EGLN1: variants seen among roughly 807,000 people sequenced by gnomAD.
EGLN1 encodes egl-9 family hypoxia inducible factor 1.
A neutral mutation model predicts 38.3 loss-of-function variants in EGLN1; 17 were observed. That is an observed-to-expected ratio of 0.44 (90% CI 0.30 to 0.67). EGLN1 has a LOEUF of 0.67. EGLN1 is among the 30% of genes least tolerant of loss of function. The pLI is 0.08. For missense variants in EGLN1, 477 were observed against 603.3 expected (o/e 0.79, Z 2.19); for synonymous variants, 283 against 257.5 (o/e 1.10, Z -0.95).
intron 1 of EGLN1, among the ~76,000 whole-genome samples, chr1:231,387,853 C>T (rs1688259936): frequency 6.6e-6 from 1 of 152,168 alleles, no homozygotes; most frequent in Non-Finnish European, 1.5e-5. Flanking sequence ...CACCACCCAC[C>T]AGAACATCCA....
intron 1 of EGLN1, among the ~76,000 whole-genome samples, chr1:231,400,377 A>C (rs1382303518): frequency 6.6e-6 from 1 of 152,148 alleles, no homozygotes; most frequent in Admixed American, 6.5e-5. Context: ...TCTGATTCAG[A>C]AGATCTGTAG....
intron 2 of EGLN1, among the ~76,000 whole-genome samples, chr1:231,373,710 G>A (rs1687887866): frequency 7.6e-6 from 1 of 131,924 alleles, no homozygotes; most frequent in African/African-American, 2.7e-5. Context: ...GTGTATGTGT[G>A]TGTGTTTAGA....
In EGLN1 at chr1:231,366,385, A is replaced by G. The variant is rs1006162575; in HGVS notation, c.*26T>C. The G allele has an allele frequency of 3.1e-6, 5 of 1,610,128 alleles. No homozygotes were observed. In the African/African-American group the frequency reaches 4.0e-5, roughly 13 times the overall value. On this transcript the variant is annotated 3_prime_UTR_variant, in exon 5 of 5. Transcript: ENST00000366641. ...AAATAGTTAACAATATTGTAGGTGAAGTGGGGTATTGCTGGATCAAAGGCT... is the reference window on the plus strand; with the variant it reads ...AAATAGTTAACAATATTGTAGGTGAGGTGGGGTATTGCTGGATCAAAGGCT...
rs200502960 is a variant in EGLN1, at chr1:231,421,396, G to C, written c.493C>G (p.Pro165Ala). Residue 165 changes from proline (P) to alanine (A), a missense_variant, in exon 1 of 5, where the codon CCA becomes GCA. Around this residue, in one of 4 missense-constraint regions of EGLN1, gnomAD observed 298 missense variants for 288.9 expected, o/e 1.03. Transcript: ENST00000366641. The surrounding 1 kb of genome is among the most constrained non-coding windows in gnomAD (Gnocchi z 5.5). ...LFQEKANLYP[P>A]SNTPGDALSP... ...AGCGCATCCCCGGGCGTGTTGCTTG[G>C]GGGGTACAGGTTCGCCTTCTCCTGG... 35 of 1,603,776 alleles carry C rather than the reference G, an allele frequency of 2.2e-5. No homozygotes were observed. The highest frequency in any genetic ancestry group is 5.5e-5 in the South Asian group (5 of 90,520).
In EGLN1 at chr1:231,374,110, GATA is replaced by G. The variant is rs1687895075; in HGVS notation, c.892-14_892-12del. On this transcript the variant is annotated splice_polypyrimidine_tract_variant and intron_variant, in intron 1 of 4. Coordinates refer to ENST00000366641, the MANE Select transcript of EGLN1 (RefSeq NM_022051.3). ...ACAAGCAACCATGGCCTGTAATAAT[GATA>G]ATAATGATTATTAAAGTCCATGTAT... The G allele has an allele frequency of 6.2e-7, 1 of 1,608,146 alleles. No homozygotes were observed. Among genetic ancestry groups the G allele is most frequent in the African/African-American group, 1.3e-5 (1 of 74,758 alleles).
At chr1:231,412,964 T>G (rs964452442) in intron 1 of EGLN1, among the ~76,000 whole-genome samples, 1 of 152,220 alleles carries the variant, frequency 6.6e-6, no homozygotes, top group African/African-American at 2.4e-5. Flanking sequence ...TGATTCTACT[T>G]TCAAAATATA....
chr1:231,393,225 C>T (rs1688438499), intron 1 of EGLN1, among the ~76,000 whole-genome samples: 1 of 152,180 alleles, frequency 6.6e-6, no homozygotes, highest in African/African-American at 2.4e-5. Flanking sequence ...CTCTGCCAGT[C>T]AATCAGCAGA....
At chr1:231,405,971 C>T (rs1483499768) in intron 1 of EGLN1, among the ~76,000 whole-genome samples, 1 of 113,336 alleles carries the variant, frequency 8.8e-6, no homozygotes, top group African/African-American at 3.4e-5. Context: ...TTAGTAAGCA[C>T]CCCCCACCCC....
Position 231,421,334 on chromosome 1 carries a change from C to A in EGLN1, c.555G>T (p.Thr185=). 1 of 1,611,532 alleles carries A rather than the reference C, an allele frequency of 6.2e-7. No individual in the cohort carries two copies. The highest frequency in any genetic ancestry group is 1.1e-5 in the South Asian group (1 of 90,988). ...PGGGLRPNGQ[T]KPLPALKLAL... ...CCAGCTTCAGCGCCGGCAGGGGCTT[C>A]GTCTGCCCGTTGGGCCGCAGGCCGC... is the stretch of plus-strand genomic sequence containing the variant. The change falls in exon 1 of 5, where the codon ACG becomes ACT. Residue 185 remains threonine (T), a synonymous_variant. Coordinates refer to ENST00000366641, the MANE Select transcript of EGLN1 (RefSeq NM_022051.3). This position sits in a 1 kb window ranked among gnomAD's most constrained non-coding sequence, Gnocchi z 5.5.
chr1:231,402,646 G>A (rs543294710), intron 1 of EGLN1, among the ~76,000 whole-genome samples: 62 of 152,062 alleles, frequency 4.1e-4, no homozygotes, highest in Non-Finnish European at 7.2e-4. Context: ...TGTTGGCCAG[G>A]CTGGTCTGGA....
rs1370799176 is a variant in EGLN1 at position 231,364,885 on chromosome 1, A to G, written c.*1526T>C. ...TAAAAAGCCTAGGAAAGTGAAGTCTAAGACATCCGTCCCAATTCATTCTTT... is the reference window on the plus strand; with the variant it reads ...TAAAAAGCCTAGGAAAGTGAAGTCTGAGACATCCGTCCCAATTCATTCTTT... On this transcript the variant is annotated 3_prime_UTR_variant, in exon 5 of 5. Coordinates refer to ENST00000366641, the MANE Select transcript of EGLN1 (RefSeq NM_022051.3). The G allele has an allele frequency of 6.6e-6, 1 of 152,236 alleles. No individual in the cohort carries two copies. The highest frequency in any genetic ancestry group is 1.5e-5 in the Non-Finnish European group (1 of 68,034). The allele number at this position is 152,236 out of a possible 1,614,324, so 9.4% of individuals were successfully genotyped here. A position where few individuals can be genotyped will look rare whatever the true frequency, so the allele number is the denominator to read the frequency against.
chr1:231,422,138 C>T lies in EGLN1; in HGVS notation c.-250G>A, dbSNP rs1656656230. ...GCCGCCGAGGGCTGAGAGAATAGGG[C>T]CTGTGCGGCGAATGGCAACCTGGGC... On this transcript the variant is annotated 5_prime_UTR_variant, in exon 1 of 5. Transcript: ENST00000366641. 3.0e-6 allele frequency: 1 copy of T among 328,206 alleles called. No homozygotes were observed. Among genetic ancestry groups the T allele is most frequent in the Admixed American group, 5.2e-5 (1 of 19,364 alleles). The allele number at this position is 328,206 out of a possible 1,614,324, so 20.3% of individuals were successfully genotyped here.
At chr1:231,381,514 AC>A (rs1318624266) in intron 1 of EGLN1, among the ~76,000 whole-genome samples, 1 of 152,178 alleles carries the variant, frequency 6.6e-6, no homozygotes, top group East Asian at 1.9e-4. Flanking sequence ...ATAATCTAAC[AC>A]CAAACTACTT....
intron 1 of EGLN1, among the ~76,000 whole-genome samples, chr1:231,420,542 T>C (rs1371938881): frequency 6.6e-6 from 1 of 152,124 alleles, no homozygotes; most frequent in Non-Finnish European, 1.5e-5. Flanking sequence ...CGTTTGACTC[T>C]CAATCGAAAT....
chr1:231,415,167 G>A (rs1006654344), intron 1 of EGLN1, among the ~76,000 whole-genome samples: 2 of 151,808 alleles, frequency 1.3e-5, no homozygotes, highest in Non-Finnish European at 1.5e-5. Flanking sequence ...CAGCTACTAC[G>A]GAGACTCAAG....
At chr1:231,379,367 G>A (rs1428695753) in intron 1 of EGLN1, among the ~76,000 whole-genome samples, 1 of 152,130 alleles carries the variant, frequency 6.6e-6, no homozygotes, top group East Asian at 1.9e-4. Context: ...AATGTATAAT[G>A]AAACCAACTT....
rs1055770939 is a variant in EGLN1, at chr1:231,366,206, A to T, written c.*205T>A. 2.3e-5 allele frequency: 14 copies of T among 610,702 alleles called. No homozygotes were observed. The highest frequency in any genetic ancestry group is 3.8e-5 in the Non-Finnish European group (13 of 344,722). The allele number at this position is 610,702 out of a possible 1,614,324, so 37.8% of individuals were successfully genotyped here. ...AGTAGCTTATCTTCCTCCTGTAAGCAATCACAGATTTGAAGTTGATCATGC... is the reference window on the plus strand; with the variant it reads ...AGTAGCTTATCTTCCTCCTGTAAGCTATCACAGATTTGAAGTTGATCATGC... On this transcript the variant is annotated 3_prime_UTR_variant, in exon 5 of 5. Coordinates refer to ENST00000366641, the MANE Select transcript of EGLN1 (RefSeq NM_022051.3).
chr1:231,368,594 G>A (rs778470600), intron 3 of EGLN1, among the ~76,000 whole-genome samples: 2 of 152,148 alleles, frequency 1.3e-5, no homozygotes, highest in Non-Finnish European at 2.9e-5. Flanking sequence ...ATGTATAAAC[G>A]CTATAGGAAG....
At chr1:231,419,107 G>A (rs1656462506) in intron 1 of EGLN1, among the ~76,000 whole-genome samples, 1 of 152,088 alleles carries the variant, frequency 6.6e-6, no homozygotes, top group Admixed American at 6.5e-5. Context: ...CTGAAGTTGC[G>A]TCCCTAAAAT....
Sources: allele counts gnomAD v4.1 joint callset (sites outside exome capture counted in the v4.1 genomes callset), GRCh38; gene constraint gnomAD v4.1.1; regional missense constraint gnomAD v4.1.1; non-coding constraint Gnocchi (gnomAD v3.1); transcripts MANE v1.5; gene names NCBI Gene and HGNC (gene_info 2026-07-23, HGNC 2026-07-21).